IL1RAPL2: variants seen among roughly 807,000 people sequenced by gnomAD.
The protein encoded by IL1RAPL2 is interleukin 1 receptor accessory protein like 2, also known as X-linked interleukin-1 receptor accessory protein-like 2.
IL1RAPL2 carries 3 observed loss-of-function variants against 44.1 expected under a neutral mutation model. That is an observed-to-expected ratio of 0.07 (90% CI 0.03 to 0.18). The LOEUF (loss-of-function observed/expected upper bound fraction) is 0.18. Among genes scored for constraint, IL1RAPL2 ranks in the 10% least tolerant of loss-of-function variants. The pLI is 1.00. For missense variants in IL1RAPL2, 391 were observed against 496.4 expected, an observed-to-expected ratio of 0.79 and a Z score of 2.02; for synonymous variants, 181 against 178.8, an observed-to-expected ratio of 1.01 and a Z score of -0.10.
At chrX:105,034,553 G>A (rs1273006380) in intron 2 of IL1RAPL2, among the ~76,000 whole-genome samples, 3 of 112,078 alleles carry the variant, frequency 2.7e-5, no homozygotes, top group African/African-American at 9.7e-5. Context: ...CTGTAGAACA[G>A]CGGATATTGG....
intron 6 of IL1RAPL2, among the ~76,000 whole-genome samples, chrX:105,521,101 ATTTTTT>A (rs560910539): frequency 3.3e-5 from 3 of 90,718 alleles, no homozygotes; most frequent in Non-Finnish European, 4.4e-5. Flanking sequence ...AGCCCGGCTA[ATTTTTT>A]TTTTTTTTTT....
At chrX:105,047,523 T>G (rs1482540415) in intron 2 of IL1RAPL2, among the ~76,000 whole-genome samples, 2 of 111,804 alleles carry the variant, frequency 1.8e-5, no homozygotes, top group Non-Finnish European at 3.8e-5. Context: ...GATGTTAGGT[T>G]GAGTGTTAAT....
chrX:105,306,981 G>C (rs985644088), intron 5 of IL1RAPL2, among the ~76,000 whole-genome samples: 1 of 111,389 alleles, frequency 9.0e-6, no homozygotes, highest in Non-Finnish European at 1.9e-5. Flanking sequence ...TGTCAGAAGC[G>C]GAAGCAGGCA....
intron 1 of IL1RAPL2, among the ~76,000 whole-genome samples, chrX:104,585,343 T>A (rs1185344655): frequency 0.28 from 4,934 of 17,441 alleles, 775 homozygotes; most frequent in East Asian, 0.36. Flanking sequence ...ATATTATATA[T>A]TATATATATT....
At chrX:105,042,291 A>G (rs1329154791) in intron 2 of IL1RAPL2, among the ~76,000 whole-genome samples, 1 of 109,263 alleles carries the variant, frequency 9.2e-6, no homozygotes, top group East Asian at 2.9e-4. Context: ...TGAACAGGCA[A>G]CCTACAGAAT....
intron 6 of IL1RAPL2, among the ~76,000 whole-genome samples, chrX:105,561,199 G>A (rs1184170176): frequency 9.0e-6 from 1 of 111,384 alleles, no homozygotes; most frequent in African/African-American, 3.3e-5. Context: ...TGAGAGATGG[G>A]ACACACTTAT....
At chrX:104,851,889 C>A (rs962206886) in intron 2 of IL1RAPL2, among the ~76,000 whole-genome samples, 1 of 111,568 alleles carries the variant, frequency 9.0e-6, no homozygotes, top group Non-Finnish European at 1.9e-5. Flanking sequence ...AACCTGCTCT[C>A]ATGGGAATTA....
At chrX:105,344,684 G>A (rs1330064479) in intron 5 of IL1RAPL2, among the ~76,000 whole-genome samples, 2 of 111,544 alleles carry the variant, frequency 1.8e-5, no homozygotes, top group East Asian at 5.7e-4. Context: ...AGAAGAGGGA[G>A]CATCTGAAAC....
At chrX:105,223,809 A>T (rs1369193809) in intron 3 of IL1RAPL2, among the ~76,000 whole-genome samples, 3 of 111,732 alleles carry the variant, frequency 2.7e-5, no homozygotes, top group African/African-American at 9.8e-5. Flanking sequence ...GCGGAAAATG[A>T]TTTTGAGGCA....
intron 2 of IL1RAPL2, among the ~76,000 whole-genome samples, chrX:104,937,297 A>G (rs1246181561): frequency 8.9e-6 from 1 of 112,200 alleles, no homozygotes; most frequent in Non-Finnish European, 1.9e-5. Flanking sequence ...TATTCAAGTA[A>G]TGGTCCATTA....
intron 5 of IL1RAPL2, among the ~76,000 whole-genome samples, chrX:105,347,733 G>A (rs948159484): frequency 4.5e-5 from 5 of 110,829 alleles, no homozygotes; most frequent in African/African-American, 1.6e-4. Context: ...TGGTTGGAGT[G>A]GGAAGAGGTT....
At chrX:104,567,347 C>T (rs1435968988) in intron 1 of IL1RAPL2, among the ~76,000 whole-genome samples, 6 of 112,910 alleles carry the variant, frequency 5.3e-5, no homozygotes, top group African/African-American at 1.9e-4. Flanking sequence ...TTCATGCTCT[C>T]TGCGGCTGGC....
chrX:104,692,457 C>T (rs1042993391), intron 2 of IL1RAPL2, among the ~76,000 whole-genome samples: 2 of 109,489 alleles, frequency 1.8e-5, no homozygotes, highest in African/African-American at 6.7e-5. Context: ...CCCATTAACT[C>T]GTCATTTAGC....
At chrX:104,986,111 T>C (rs190700163) in intron 2 of IL1RAPL2, among the ~76,000 whole-genome samples, 10 of 112,294 alleles carry the variant, frequency 8.9e-5, no homozygotes, top group African/African-American at 2.9e-4. Flanking sequence ...GTTTATCTCA[T>C]ATTCCTTTTC....
At chrX:105,400,912 G>T (rs2035602300) in intron 5 of IL1RAPL2, among the ~76,000 whole-genome samples, 1 of 111,818 alleles carries the variant, frequency 8.9e-6, no homozygotes, top group African/African-American at 3.2e-5. Flanking sequence ...ATAATGAACA[G>T]AAATGTATTG....
At chrX:105,035,446 C>T (rs1377336493) in intron 2 of IL1RAPL2, among the ~76,000 whole-genome samples, 1 of 112,125 alleles carries the variant, frequency 8.9e-6, no homozygotes, top group East Asian at 2.8e-4. Flanking sequence ...TGTGACACAT[C>T]TAATTATTCA....
intron 2 of IL1RAPL2, among the ~76,000 whole-genome samples, chrX:104,855,545 TAGAG>T (rs1468853584): frequency 9.1e-6 from 1 of 110,322 alleles, no homozygotes; most frequent in Non-Finnish European, 1.9e-5. Context: ...CTCACAGAAA[TAGAG>T]AGCCTGAATC....
At chrX:104,927,311 T>C (rs1924796422) in intron 2 of IL1RAPL2, among the ~76,000 whole-genome samples, 1 of 111,691 alleles carries the variant, frequency 9.0e-6, no homozygotes, top group African/African-American at 3.3e-5. Flanking sequence ...TCCAGTGGTA[T>C]CTTTTTTTCA....
intron 2 of IL1RAPL2, among the ~76,000 whole-genome samples, chrX:104,706,818 G>A (rs979918455): frequency 6.3e-5 from 7 of 111,465 alleles, no homozygotes; most frequent in African/African-American, 1.6e-4. Flanking sequence ...AATCTATGTG[G>A]GAATTGAACT....
Sources: allele counts gnomAD v4.1 joint callset (sites outside exome capture counted in the v4.1 genomes callset), GRCh38; gene constraint gnomAD v4.1.1; transcripts MANE v1.5; gene names NCBI Gene and HGNC (gene_info 2026-07-23, HGNC 2026-07-21).